Variants in MAT2B observed in about 807,000 individuals in gnomAD.
The protein encoded by MAT2B is methionine adenosyltransferase 2 subunit beta.
A neutral mutation model predicts 36.1 loss-of-function variants in MAT2B; 16 were observed. The ratio of observed to expected loss-of-function variants is 0.44; its 90% confidence interval spans 0.30 to 0.67. The LOEUF is 0.67. Among genes scored for constraint, MAT2B ranks in the 30% least tolerant of loss-of-function variants. The probability of loss-of-function intolerance (pLI) is 0.09; values close to 1 mark genes in which losing one functional copy is unlikely to be tolerated. For missense variants in MAT2B, 332 were observed against 398.2 expected, an observed-to-expected ratio of 0.83 and a Z score of 1.42; for synonymous variants, 148 against 136.9, an observed-to-expected ratio of 1.08 and a Z score of -0.57.
At position 163,518,222 on chromosome 5, in the gene MAT2B, A is replaced by G. The variant is rs187556859; in HGVS notation, c.864A>G (p.Gln288=). Residue 288 remains glutamine, a synonymous_variant, in exon 7 of 7, where the codon CAA becomes CAG. Coordinates refer to ENST00000321757, the MANE Select transcript of MAT2B (RefSeq NM_013283.5). The stretch of plus-strand genomic sequence containing the variant: ...CTGACAGCCCTGTCCTAGGAGCACA[A>G]CGTCCGAGAAATGCTCAGCTTGACT... The part of the protein sequence containing the change: ...PITDSPVLGA[Q]RPRNAQLDCS... The G allele has an allele frequency of 6.2e-7, 1 of 1,612,140 alleles. No homozygotes were observed. The highest frequency in any genetic ancestry group is 1.3e-5 in the African/African-American group (1 of 74,896).
chr5:163,503,471 G>A, upstream of MAT2B: 1 of 1,563,610 alleles, frequency 6.4e-7, no homozygotes, highest in Non-Finnish European at 8.8e-7. Flanking sequence ...AGTAAGAGAT[G>A]CTTTAAAAGC....
chr5:163,511,524 C>T (rs1167118581), intron 1 of MAT2B, among the ~76,000 whole-genome samples: 5 of 147,856 alleles, frequency 3.4e-5, no homozygotes, highest in Non-Finnish European at 7.4e-5. Flanking sequence ...CTCAAGTGAT[C>T]CACCTGCCTT....
At chr5:163,512,313 T>A (rs1760059499) in intron 2 of MAT2B, 117 bp downstream of exon 2, 2 of 887,892 alleles carry the variant, frequency 2.3e-6, no homozygotes, top group East Asian at 4.9e-5. Flanking sequence ...AAAGTTGTAT[T>A]ATGCAGTAGC....
At chr5:163,504,805 C>CGCT (rs1432178328), upstream of MAT2B, among the ~76,000 whole-genome samples, 1 of 152,140 alleles carries the variant, frequency 6.6e-6, no homozygotes, top group African/African-American at 2.4e-5. Context: ...CAGCCTTACA[C>CGCT]GCTGCTGCTT....
At chr5:163,509,193 T>G (rs1023415962) in intron 1 of MAT2B, among the ~76,000 whole-genome samples, 6 of 148,980 alleles carry the variant, frequency 4.0e-5, no homozygotes, top group African/African-American at 1.6e-4. Flanking sequence ...GATGTTAAAA[T>G]GAAACTGTAC....
chr5:163,514,627 A>T (rs1239822160), intron 4 of MAT2B, among the ~76,000 whole-genome samples: 1 of 151,980 alleles, frequency 6.6e-6, no homozygotes, highest in Non-Finnish European at 1.5e-5. Context: ...TTTTCCCTCA[A>T]CATCTTTGCA....
At chr5:163,511,833 A>G (rs1561656817) in intron 1 of MAT2B, among the ~76,000 whole-genome samples, 169 bp from the exon 2 acceptor site, 2 of 152,206 alleles carry the variant, frequency 1.3e-5, no homozygotes, top group Non-Finnish European at 2.9e-5. Flanking sequence ...AATTACAGGC[A>G]TGAGCCTGAT....
At chr5:163,516,073 C>T (rs1760129064) in intron 4 of MAT2B, among the ~76,000 whole-genome samples, 1 of 152,016 alleles carries the variant, frequency 6.6e-6, no homozygotes, top group Non-Finnish European at 1.5e-5. Flanking sequence ...GGCAGGGTCT[C>T]ACTCTGTTGC....
At chr5:163,515,133 C>G (rs1356859594) in intron 4 of MAT2B, among the ~76,000 whole-genome samples, 1 of 152,150 alleles carries the variant, frequency 6.6e-6, no homozygotes, top group Non-Finnish European at 1.5e-5. Flanking sequence ...GCCCCACCTC[C>G]CAGCACTGTT....
intron 2 of MAT2B, chr5:163,512,929 C>T: frequency 4.0e-6 from 1 of 251,826 alleles, no homozygotes; most frequent in South Asian, 3.6e-5. Context: ...GATCCACCCA[C>T]CTCAGCCTTC....
chr5:163,511,972 T>TA (rs1274709038), intron 1 of MAT2B, 30 bp from the exon 2 acceptor site: 4 of 1,535,098 alleles, frequency 2.6e-6, no homozygotes, highest in Non-Finnish European at 3.6e-6. Flanking sequence ...TCAAAGTTAG[T>TA]AACTCTTTCT....
intron 2 of MAT2B, chr5:163,512,599 A>T (rs1246730858): frequency 2.5e-6 from 1 of 398,248 alleles, no homozygotes; most frequent in Non-Finnish European, 4.9e-6. Flanking sequence ...TAGATATTTA[A>T]ATCATGTTAA....
At chr5:163,511,787 A>C (rs1760050561) in intron 1 of MAT2B, among the ~76,000 whole-genome samples, 2 of 152,156 alleles carry the variant, frequency 1.3e-5, no homozygotes, top group African/African-American at 4.8e-5. Context: ...TCCTGGGCTC[A>C]GCGGAGCTGC....
Position 163,513,460 on chromosome 5 carries a change from T to C in MAT2B, c.259-95T>C. 5.9e-6 allele frequency: 4 copies of C among 676,298 alleles called. 1 individual carries two copies. Among genetic ancestry groups the C allele is most frequent in the South Asian group, 5.8e-5 (3 of 51,948 alleles). 41.9% of individuals were successfully genotyped at this position (676,298 alleles called of 1,614,324 possible). On this transcript the variant is annotated intron_variant, in intron 2 of 6. Transcript: ENST00000321757. ...TATTCTTAGTTGAAAGAATGTTGACTTACTGCACATTTTTCTCTGAATTAA... is the reference window on the plus strand; with the variant it reads ...TATTCTTAGTTGAAAGAATGTTGACCTACTGCACATTTTTCTCTGAATTAA...
chr5:163,517,935 G>A (rs1397141940), intron 6 of MAT2B: 2 of 491,856 alleles, frequency 4.1e-6, no homozygotes, highest in Admixed American at 3.5e-5. Context: ...CTTACACTAA[G>A]AGCAAAAATA....
chr5:163,503,996 G>A (rs1759889020), upstream of MAT2B, among the ~76,000 whole-genome samples: 1 of 152,188 alleles, frequency 6.6e-6, no homozygotes, highest in Non-Finnish European at 1.5e-5. Flanking sequence ...AAGCAGCCAA[G>A]TTAAATTCTT....
intron 1 of MAT2B, among the ~76,000 whole-genome samples, chr5:163,510,956 A>G (rs1204907070): frequency 6.6e-6 from 1 of 152,220 alleles, no homozygotes; most frequent in Non-Finnish European, 1.5e-5. Flanking sequence ...TGACGCAAAT[A>G]CTAATCAGGC....
At chr5:163,512,867 G>C (rs1760068707) in intron 2 of MAT2B, 3 of 302,354 alleles carry the variant, frequency 9.9e-6, no homozygotes, top group Non-Finnish European at 1.9e-5. Flanking sequence ...TTCTAGTAGA[G>C]ATGGGGTTTC....
chr5:163,512,098 C>T lies in MAT2B; in HGVS notation c.160C>T (p.His54Tyr), dbSNP rs1208567876. 5.0e-6 allele frequency: 8 copies of T among 1,614,004 alleles called. No individual in the cohort carries two copies. In the Admixed American group the frequency reaches 1.3e-4, roughly 27 times the overall value. ...CAAAGAATTTCAGCAGAATAATTGGCATGCAGTTGGCTGTGGTTTCAGAAG... is the reference window on the plus strand; with the variant it reads ...CAAAGAATTTCAGCAGAATAATTGGTATGCAGTTGGCTGTGGTTTCAGAAG... ...VHKEFQQNNW[H>Y]AVGCGFRRAR... is the part of the protein sequence containing the mutation. Residue 54 changes from histidine (H) to tyrosine (Y), a missense_variant, in exon 2 of 7, where the codon CAT becomes TAT. Transcript: ENST00000321757.
Sources: gnomAD v4.1 joint callset for allele counts (sites outside exome capture counted in the v4.1 genomes callset) on GRCh38, gnomAD v4.1.1 for gene constraint, MANE v1.5 for transcripts, NCBI Gene and HGNC (gene_info 2026-07-23, HGNC 2026-07-21) for gene names.